The following PPP2R5E variants were observed in gnomAD, a reference collection of about 807,000 sequenced individuals.
The protein encoded by PPP2R5E is protein phosphatase 2 regulatory subunit B'epsilon.
In PPP2R5E, 4 loss-of-function variants were observed where a neutral mutation model predicts 65.3. That is an observed-to-expected ratio of 0.06 (90% CI 0.03 to 0.14). The LOEUF is 0.14. PPP2R5E is among the 10% of genes least tolerant of loss of function. The pLI is 1.00. For synonymous variants in PPP2R5E, 183 were observed against 187.4 expected (o/e 0.98, Z 0.19); for missense variants, 274 against 556.1 (o/e 0.49, Z 5.10).
At chr14:63,447,481 T>C (rs1026038873) in intron 3 of PPP2R5E, among the ~76,000 whole-genome samples, 2 of 152,256 alleles carry the variant, frequency 1.3e-5, no homozygotes, top group East Asian at 3.8e-4. Flanking sequence ...TCAGCCTTTA[T>C]ACAACTGAAG....
At chr14:63,449,627 G>T (rs971344390) in intron 3 of PPP2R5E, among the ~76,000 whole-genome samples, 1 of 152,052 alleles carries the variant, frequency 6.6e-6, no homozygotes, top group Non-Finnish European at 1.5e-5. Flanking sequence ...ATGTATGTAT[G>T]GTGTTGAGTA....
chr14:63,442,039 T>G (rs1888265589), intron 3 of PPP2R5E, among the ~76,000 whole-genome samples: 1 of 152,188 alleles, frequency 6.6e-6, no homozygotes, highest in South Asian at 2.1e-4. Context: ...GAGCTTTAAC[T>G]GGATTAGCAC....
At chr14:63,534,870 T>C (rs1167672573) in intron 2 of PPP2R5E, among the ~76,000 whole-genome samples, 1 of 152,200 alleles carries the variant, frequency 6.6e-6, no homozygotes, top group Non-Finnish European at 1.5e-5. Context: ...GCCTCCCAAC[T>C]CTGTCTCCCT....
At chr14:63,429,498 A>G (rs1372047621) in intron 3 of PPP2R5E, among the ~76,000 whole-genome samples, 1 of 152,198 alleles carries the variant, frequency 6.6e-6, no homozygotes, top group East Asian at 1.9e-4. Context: ...CTCATCATGC[A>G]AGTAACAATT....
intron 8 of PPP2R5E, 140 bp from the exon 9 acceptor site, chr14:63,392,165 A>T (rs1037243466): frequency 8.4e-6 from 5 of 595,904 alleles, no homozygotes; most frequent in African/African-American, 1.9e-5. Flanking sequence ...TTATCATAAA[A>T]TCTATATAAA....
rs1893944213 is a variant in PPP2R5E at position 63,542,570 on chromosome 14, G to A, written c.-8+209C>T. ...CCAGAAGGTGGAGAAAAAGGGGGGA[G>A]GGGGCAGAGTGAATGAGAGGTATCA... On this transcript the variant is annotated intron_variant, in intron 1 of 13. Transcript: ENST00000337537. Among the ~76,000 whole-genome samples, 4 of 152,238 alleles carry A rather than the reference G, an allele frequency of 2.6e-5. No homozygotes were observed. The South Asian group carries it at 8.3e-4, about 32-fold the overall frequency.
intron 2 of PPP2R5E, among the ~76,000 whole-genome samples, chr14:63,493,319 C>G (rs1325754707): frequency 6.6e-6 from 1 of 151,780 alleles, no homozygotes; most frequent in African/African-American, 2.4e-5. Flanking sequence ...AATCAGATAA[C>G]TATTTATTGT....
intron 3 of PPP2R5E, among the ~76,000 whole-genome samples, chr14:63,430,371 A>G (rs1887582980): frequency 8.7e-6 from 1 of 115,038 alleles, no homozygotes; most frequent in Non-Finnish European, 1.7e-5. Flanking sequence ...ACATACATAC[A>G]TGCATGCATA....
chr14:63,478,368 T>A lies in PPP2R5E; in HGVS notation c.158-24483A>T, dbSNP rs562846907. On this transcript the variant is annotated intron_variant, in intron 2 of 13. Transcript: ENST00000337537. ...CACATTAAAATTAAAAATGGGAAAA[T>A]TTTTAATATTTATTAATTCATTTCA... is the stretch of plus-strand genomic sequence containing the variant. Among the ~76,000 whole-genome samples the A allele has an allele frequency of 7.9e-5, 12 of 152,240 alleles. 1 individual carries two copies. The South Asian group carries it at 1.9e-3, about 24-fold the overall frequency.
At chr14:63,440,032 G>A (rs1594876726) in intron 3 of PPP2R5E, among the ~76,000 whole-genome samples, 1 of 152,170 alleles carries the variant, frequency 6.6e-6, no homozygotes, top group East Asian at 1.9e-4. Context: ...GCAAGGTGGG[G>A]CCCCTCTATG....
At chr14:63,424,889 A>G (rs911202487) in intron 3 of PPP2R5E, among the ~76,000 whole-genome samples, 4 of 152,228 alleles carry the variant, frequency 2.6e-5, no homozygotes, top group African/African-American at 9.6e-5. Context: ...AAGAGAGAAT[A>G]GTGTTTTAAG....
intron 2 of PPP2R5E, among the ~76,000 whole-genome samples, chr14:63,511,050 A>G (rs926472236): frequency 4.6e-5 from 7 of 152,258 alleles, no homozygotes; most frequent in African/African-American, 1.7e-4. Context: ...CAGATTGCAG[A>G]AATGGCCACA....
In PPP2R5E at chr14:63,374,415, T is replaced by C. The variant is rs1415372210; in HGVS notation, c.*1594A>G. ...ATGAACACAGATCAGCTCTATACCATGAATACTGCTGGAAGTGATGGTTTA... is the reference window on the plus strand; with the variant it reads ...ATGAACACAGATCAGCTCTATACCACGAATACTGCTGGAAGTGATGGTTTA... On this transcript the variant is annotated 3_prime_UTR_variant, in exon 14 of 14. Transcript: ENST00000337537. 1 of 151,860 alleles carries C rather than the reference T, an allele frequency of 6.6e-6. No homozygotes were observed. 9.4% of individuals were successfully genotyped at this position (151,860 alleles called of 1,614,324 possible).
At chr14:63,496,166 G>C (rs751646282) in intron 2 of PPP2R5E, among the ~76,000 whole-genome samples, 2 of 152,072 alleles carry the variant, frequency 1.3e-5, no homozygotes, top group African/African-American at 4.8e-5. Context: ...GGTGTTCACC[G>C]TTTATCCAGC....
chr14:63,393,783 T>C (rs754783398), intron 8 of PPP2R5E, 37 bp downstream of exon 8: 2 of 1,386,898 alleles, frequency 1.4e-6, no homozygotes, highest in Admixed American at 2.1e-5. Flanking sequence ...AAACTTTTTA[T>C]TTTGCTTCTA....
intron 2 of PPP2R5E, among the ~76,000 whole-genome samples, chr14:63,515,901 G>A (rs1455243681): frequency 6.9e-6 from 1 of 145,482 alleles, no homozygotes; most frequent in Admixed American, 6.9e-5. Context: ...CCAGGCTGGA[G>A]TGCAGTGGTG....
intron 2 of PPP2R5E, among the ~76,000 whole-genome samples, chr14:63,473,414 A>T (rs1890229558): frequency 6.6e-6 from 1 of 152,224 alleles, no homozygotes; most frequent in African/African-American, 2.4e-5. Flanking sequence ...GCAGCTAGAG[A>T]CAAGCTAAAG....
chr14:63,386,923 C>CA (rs34820715), intron 11 of PPP2R5E, among the ~76,000 whole-genome samples: 6,433 of 122,580 alleles, frequency 0.052, 287 homozygotes, highest in African/African-American at 0.13. Context: ...GACTCCATCT[C>CA]AAAAAAAAAA....
At chr14:63,430,622 A>T (rs1163619273) in intron 3 of PPP2R5E, among the ~76,000 whole-genome samples, 1 of 152,184 alleles carries the variant, frequency 6.6e-6, no homozygotes, top group East Asian at 1.9e-4. Flanking sequence ...AATTATAGAT[A>T]ATTATTGATA....
Sources: allele counts gnomAD v4.1 joint callset (sites outside exome capture counted in the v4.1 genomes callset), GRCh38; gene constraint gnomAD v4.1.1; transcripts MANE v1.5; gene names NCBI Gene and HGNC (gene_info 2026-07-23, HGNC 2026-07-21).